The following LARGE1 variants were observed in gnomAD, a reference collection of about 807,000 sequenced individuals.
LARGE1 encodes the protein xylosyl- and glucuronyltransferase LARGE1.
In LARGE1, 43 loss-of-function variants were observed where a neutral mutation model predicts 87.6. The ratio of observed to expected loss-of-function variants is 0.49; its 90% CI spans 0.38 to 0.63. The LOEUF is 0.63. Ranked by LOEUF, LARGE1 falls within the 30% of genes least tolerant of loss-of-function variation. The probability of loss-of-function intolerance (pLI) is 0.00; values close to 1 mark genes in which losing one functional copy is unlikely to be tolerated. For missense variants in LARGE1, 802 were observed against 1,000.2 expected, an observed-to-expected ratio of 0.80 and a Z score of 2.67; for synonymous variants, 434 against 394.6, an observed-to-expected ratio of 1.10 and a Z score of -1.18.
At chr22:33,818,654 C>G (rs2086728980) in intron 1 of LARGE1, among the ~76,000 whole-genome samples, 1 of 152,224 alleles carries the variant, frequency 6.6e-6, no homozygotes, top group African/African-American at 2.4e-5. Context: ...GGCAGCCTCT[C>G]TGTATCCTGC....
At chr22:33,662,407 T>G (rs553245503) in intron 2 of LARGE1, among the ~76,000 whole-genome samples, 1 of 152,312 alleles carries the variant, frequency 6.6e-6, no homozygotes, top group East Asian at 1.9e-4. Flanking sequence ...CGGGGCCCTC[T>G]GACATACCCC....
At chr22:33,601,885 C>A (rs2079122886) in intron 5 of LARGE1, among the ~76,000 whole-genome samples, 1 of 152,098 alleles carries the variant, frequency 6.6e-6, no homozygotes, top group Non-Finnish European at 1.5e-5. Flanking sequence ...CAGTTGGTCT[C>A]CCTGGATTAA....
chr22:33,288,879 G>A (rs1253650762), intron 12 of LARGE1, among the ~76,000 whole-genome samples: 1 of 152,102 alleles, frequency 6.6e-6, no homozygotes, highest in African/African-American at 2.4e-5. Flanking sequence ...TCAAAGTTTT[G>A]TTGCCCTTGT....
chr22:33,168,997 A>C (rs1922417141), intron 11 of LARGE1, among the ~76,000 whole-genome samples: 1 of 152,202 alleles, frequency 6.6e-6, no homozygotes, highest in African/African-American at 2.4e-5. Context: ...TGCAAGGCCA[A>C]ATAGCACACT....
chr22:33,639,089 T>C (rs1224083311), intron 3 of LARGE1, among the ~76,000 whole-genome samples: 2 of 152,188 alleles, frequency 1.3e-5, no homozygotes, highest in East Asian at 3.9e-4. Flanking sequence ...GGCCAGGTCA[T>C]GAAAAGTGCT....
intron 6 of LARGE1, among the ~76,000 whole-genome samples, chr22:33,444,899 G>A (rs1457344787): frequency 4.6e-5 from 7 of 152,046 alleles, no homozygotes; most frequent in South Asian, 2.1e-4. Context: ...GCGCGATCTC[G>A]ACTCACTGCA....
chr22:33,553,613 T>C (rs1228777313), intron 6 of LARGE1, among the ~76,000 whole-genome samples: 2 of 152,142 alleles, frequency 1.3e-5, no homozygotes, highest in Non-Finnish European at 2.9e-5. Context: ...CACTAAGACT[T>C]TGAAATGTAT....
chr22:33,846,064 G>C (rs9609878), intron 1 of LARGE1, among the ~76,000 whole-genome samples: 29,894 of 151,994 alleles, frequency 0.2, 3,070 homozygotes, highest in Middle Eastern at 0.28. Context: ...TCATGACAGC[G>C]TCTCTGTTTG....
intron 11 of LARGE1, among the ~76,000 whole-genome samples, chr22:33,205,419 A>T (rs558706580): frequency 6.6e-6 from 1 of 152,338 alleles, no homozygotes; most frequent in South Asian, 2.1e-4. Flanking sequence ...AAAATGAAAA[A>T]GGTCTCTGTT....
intron 1 of LARGE1, among the ~76,000 whole-genome samples, chr22:33,859,154 C>T (rs2063841067): frequency 6.6e-6 from 1 of 151,964 alleles, no homozygotes. Context: ...CATAACTGCA[C>T]GTTCTGCACA....
chr22:33,616,244 T>G (rs564211861), intron 4 of LARGE1, among the ~76,000 whole-genome samples: 1 of 152,174 alleles, frequency 6.6e-6, no homozygotes, highest in Non-Finnish European at 1.5e-5. Context: ...CTGTGGCTCA[T>G]GCCTGTAATC....
chr22:33,170,538 G>C (rs891120987), intron 11 of LARGE1, among the ~76,000 whole-genome samples: 2 of 152,126 alleles, frequency 1.3e-5, no homozygotes, highest in African/African-American at 4.8e-5. Flanking sequence ...CCCCGATGCT[G>C]TTCTCGTGAC....
At chr22:33,111,193 G>A in the LARGE1 span, among the ~76,000 whole-genome samples, 3 of 152,124 alleles carry the variant, frequency 2.0e-5, no homozygotes, top group Non-Finnish European at 2.9e-5. Flanking sequence ...CTGGGTTGAG[G>A]AGAGATGGGG....
chr22:33,435,239 C>T (rs756150145), intron 6 of LARGE1, among the ~76,000 whole-genome samples: 1 of 152,002 alleles, frequency 6.6e-6, no homozygotes, highest in Non-Finnish European at 1.5e-5. Context: ...TAACCTCAGG[C>T]GATCCTCCCA....
At chr22:33,246,088 A>T (rs1020559205) in intron 11 of LARGE1, among the ~76,000 whole-genome samples, 3 of 152,228 alleles carry the variant, frequency 2.0e-5, no homozygotes, top group Non-Finnish European at 2.9e-5. Context: ...GAAATGCACC[A>T]TTTTAAAATA....
At chr22:33,479,867 C>G (rs1455769957) in intron 6 of LARGE1, among the ~76,000 whole-genome samples, 3 of 151,684 alleles carry the variant, frequency 2.0e-5, no homozygotes, top group Non-Finnish European at 4.4e-5. Flanking sequence ...GCCTCAGTCT[C>G]TCGAGTATCT....
At chr22:33,333,260 C>T (rs1287284937) in intron 10 of LARGE1, among the ~76,000 whole-genome samples, 3 of 152,010 alleles carry the variant, frequency 2.0e-5, no homozygotes, top group East Asian at 3.9e-4. Context: ...CCTCATGATC[C>T]GCCCACCTCA....
intron 1 of LARGE1, among the ~76,000 whole-genome samples, chr22:33,807,315 G>A (rs531168927): frequency 4.6e-4 from 70 of 152,336 alleles, no homozygotes; most frequent in African/African-American, 1.6e-3. Flanking sequence ...GAACCAGCAT[G>A]TAGTAGGTGT....
chr22:33,580,548 C>G (rs1205433120), intron 5 of LARGE1, among the ~76,000 whole-genome samples: 1 of 152,094 alleles, frequency 6.6e-6, no homozygotes, highest in Admixed American at 6.5e-5. Context: ...GGCCTGATCA[C>G]AGTGAGTGAG....
Sources: gnomAD v4.1 joint callset for allele counts (sites outside exome capture counted in the v4.1 genomes callset) on GRCh38, gnomAD v4.1.1 for gene constraint, MANE v1.5 for transcripts, NCBI Gene and HGNC (gene_info 2026-07-23, HGNC 2026-07-21) for gene names.